The following FILIP1L variants were observed in gnomAD, a reference collection of about 807,000 sequenced individuals.
The protein encoded by FILIP1L is filamin A interacting protein 1 like, also known as filamin A-interacting protein 1-like.
A neutral mutation model predicts 96.6 loss-of-function variants in FILIP1L; 55 were observed. That is an observed-to-expected ratio of 0.57 (90% CI 0.46 to 0.71). The LOEUF is 0.71. FILIP1L is among the 30% of genes least tolerant of loss of function. The pLI is 0.00. For synonymous variants in FILIP1L, 467 were observed against 473.9 expected, an observed-to-expected ratio of 0.99 and a Z score of 0.19; for missense variants, 1,304 against 1,321.2, an observed-to-expected ratio of 0.99 and a Z score of 0.20.
At chr3:100,022,551 A>C (rs183131572) in intron 1 of FILIP1L, among the ~76,000 whole-genome samples, 1 of 152,354 alleles carries the variant, frequency 6.6e-6, no homozygotes, top group East Asian at 1.9e-4. Context: ...AGACAGTTTC[A>C]GACACCCTTG....
chr3:99,991,934 G>GTATGTGTATA (rs944271721), intron 1 of FILIP1L, among the ~76,000 whole-genome samples: 2 of 144,774 alleles, frequency 1.4e-5, no homozygotes, highest in Admixed American at 6.9e-5. Flanking sequence ...ACACACATAT[G>GTATGTGTATA]TATGTGTATA....
chr3:99,847,088 A>C (rs1943397733), intron 5 of FILIP1L, among the ~76,000 whole-genome samples: 1 of 152,212 alleles, frequency 6.6e-6, no homozygotes, highest in Admixed American at 6.5e-5. Flanking sequence ...CATAATAATC[A>C]CAGAAGAAAT....
intron 1 of FILIP1L, among the ~76,000 whole-genome samples, chr3:100,037,939 C>CTTTT (rs150366639): frequency 4.8e-3 from 565 of 118,170 alleles, no homozygotes; most frequent in Non-Finnish European, 5.6e-3. Context: ...AATCGCTTTT[C>CTTTT]TTTTTTTTTT....
intron 1 of FILIP1L, among the ~76,000 whole-genome samples, chr3:100,109,070 C>G (rs186825578): frequency 6.9e-6 from 1 of 144,284 alleles, no homozygotes; most frequent in African/African-American, 2.6e-5. Flanking sequence ...ACAGGATGAT[C>G]GTTTTTAACT....
At chr3:99,951,996 C>T (rs781354662) in intron 1 of FILIP1L, among the ~76,000 whole-genome samples, 3 of 152,138 alleles carry the variant, frequency 2.0e-5, no homozygotes, top group Non-Finnish European at 4.4e-5. Flanking sequence ...TGCCCCCACA[C>T]CCTTAGTTGA....
intron 5 of FILIP1L, among the ~76,000 whole-genome samples, chr3:99,836,766 G>C (rs1942915585): frequency 6.6e-6 from 1 of 152,170 alleles, no homozygotes; most frequent in African/African-American, 2.4e-5. Flanking sequence ...CACTATCCAG[G>C]GAGTGATTGG....
At chr3:99,989,466 C>T (rs1709448423) in intron 1 of FILIP1L, among the ~76,000 whole-genome samples, 1 of 152,196 alleles carries the variant, frequency 6.6e-6, no homozygotes, top group South Asian at 2.1e-4. Context: ...CTACAGCACT[C>T]TGGATGTTTT....
At chr3:99,958,682 A>C (rs960329208) in intron 1 of FILIP1L, among the ~76,000 whole-genome samples, 12 of 152,160 alleles carry the variant, frequency 7.9e-5, no homozygotes, top group African/African-American at 2.9e-4. Flanking sequence ...GGGGCAGAGC[A>C]GGCAGTGTGA....
rs141913286 is a variant in FILIP1L at position 99,987,454 on chromosome 3, G to A, written c.-10-56424C>T. 4.5e-3 allele frequency among the ~76,000 whole-genome samples: 677 copies of A among 150,464 alleles called. 7 individuals carry two copies. Among genetic ancestry groups the A allele is most frequent in the African/African-American group, 0.016 (661 of 40,926 alleles). ...TGAGACAGGAGACTCTCTTGAACCC[G>A]GGAGGCAGAGGTTGCAGTGAGCCAA... On this transcript the variant is annotated intron_variant, in intron 1 of 5. Coordinates refer to ENST00000477258, the MANE Select transcript of FILIP1L (RefSeq NM_001387850.1).
At chr3:100,112,994 T>C (rs2066515386) in intron 1 of FILIP1L, among the ~76,000 whole-genome samples, 1 of 152,228 alleles carries the variant, frequency 6.6e-6, no homozygotes, top group African/African-American at 2.4e-5. Flanking sequence ...GTAATTGCAA[T>C]GCATTCTCTC....
At chr3:100,037,404 T>C (rs2065126323) in intron 1 of FILIP1L, among the ~76,000 whole-genome samples, 1 of 152,116 alleles carries the variant, frequency 6.6e-6, no homozygotes, top group African/African-American at 2.4e-5. Flanking sequence ...AAATTTTAAG[T>C]TTGAAGTTAT....
chr3:100,021,128 C>G (rs1004078812), intron 1 of FILIP1L, among the ~76,000 whole-genome samples: 1 of 152,180 alleles, frequency 6.6e-6, no homozygotes, highest in African/African-American at 2.4e-5. Flanking sequence ...TGCCTAAGAC[C>G]TCAAATCCTG....
chr3:99,856,652 C>T (rs1470945830), intron 4 of FILIP1L, among the ~76,000 whole-genome samples: 2 of 152,282 alleles, frequency 1.3e-5, no homozygotes, highest in Middle Eastern at 3.4e-3. Flanking sequence ...ATGTACAATA[C>T]CAGTTCCTTA....
At chr3:100,078,984 C>T (rs1457355007) in intron 1 of FILIP1L, among the ~76,000 whole-genome samples, 3 of 152,144 alleles carry the variant, frequency 2.0e-5, no homozygotes, top group Non-Finnish European at 4.4e-5. Flanking sequence ...TGTCCTGGGC[C>T]ACATGTGGCC....
intron 5 of FILIP1L, among the ~76,000 whole-genome samples, chr3:99,839,915 A>G (rs1335422753): frequency 6.6e-6 from 1 of 152,162 alleles, no homozygotes; most frequent in Non-Finnish European, 1.5e-5. Flanking sequence ...GTTATATAAG[A>G]GTGGAACTCT....
chr3:99,949,731 G>A (rs1464927033), intron 1 of FILIP1L, among the ~76,000 whole-genome samples: 1 of 152,074 alleles, frequency 6.6e-6, no homozygotes, highest in Non-Finnish European at 1.5e-5. Flanking sequence ...TATTTGTAGT[G>A]GTTCTTTTAG....
chr3:99,876,325 C>T lies in FILIP1L; in HGVS notation c.606-25255G>A, dbSNP rs977711499. Reference sequence around the variant, plus strand: ...GCGCAGCCACACACCCCAGCTCCCGCGGATGTTCCGGCCGTGTGAACGGAC... The same window carrying T: ...GCGCAGCCACACACCCCAGCTCCCGTGGATGTTCCGGCCGTGTGAACGGAC... On this transcript the variant is annotated intron_variant, in intron 4 of 5. Coordinates refer to ENST00000477258, the MANE Select transcript of FILIP1L (RefSeq NM_001387850.1). 3.8e-4 allele frequency: 183 copies of T among 485,364 alleles called. 1 individual carries two copies. Among genetic ancestry groups the T allele is most frequent in the Admixed American group, 6.4e-4 (10 of 15,656 alleles). The allele number at this position is 485,364 out of a possible 1,614,324, so 30.1% of individuals were successfully genotyped here.
At chr3:100,005,952 T>C (rs1392687026) in intron 1 of FILIP1L, among the ~76,000 whole-genome samples, 1 of 152,142 alleles carries the variant, frequency 6.6e-6, no homozygotes, top group Non-Finnish European at 1.5e-5. Flanking sequence ...ACCTCCGCTA[T>C]TGCTTTTTCA....
At chr3:99,959,563 C>T (rs1456592722) in intron 1 of FILIP1L, among the ~76,000 whole-genome samples, 1 of 152,182 alleles carries the variant, frequency 6.6e-6, no homozygotes, top group Non-Finnish European at 1.5e-5. Context: ...TATCAATTTT[C>T]TGAGCCTTAG....
Sources: gnomAD v4.1 joint callset for allele counts (sites outside exome capture counted in the v4.1 genomes callset) on GRCh38, gnomAD v4.1.1 for gene constraint, MANE v1.5 for transcripts, NCBI Gene and HGNC (gene_info 2026-07-23, HGNC 2026-07-21) for gene names.